MSI2: variants seen among roughly 807,000 people sequenced by gnomAD.
MSI2 encodes RNA-binding protein Musashi homolog 2.
Under a neutral mutation model 45.6 loss-of-function variants are expected in MSI2, and 17 were observed. The observed-to-expected ratio is 0.37, with a 90% CI of 0.26 to 0.56. The LOEUF is 0.56. MSI2 is among the 20% of genes least tolerant of loss of function. The pLI is 0.77. For missense variants in MSI2, 293 were observed against 444.2 expected (o/e 0.66, Z 3.06); for synonymous variants, 156 against 158.2 (o/e 0.99, Z 0.11).
chr17:57,291,624 C>T (rs576161650), intron 5 of MSI2, among the ~76,000 whole-genome samples: 20 of 152,120 alleles, frequency 1.3e-4, no homozygotes, highest in Non-Finnish European at 2.5e-4. Context: ...AAAGATGGAT[C>T]GACTCTGCTG....
chr17:57,613,986 A>G (rs1907426252), intron 8 of MSI2, among the ~76,000 whole-genome samples: 1 of 152,198 alleles, frequency 6.6e-6, no homozygotes, highest in Non-Finnish European at 1.5e-5. Context: ...TGATTGAAGT[A>G]TTTGGGATGT....
chr17:57,261,413 A>C (rs1907295954), intron 4 of MSI2, among the ~76,000 whole-genome samples: 1 of 149,124 alleles, frequency 6.7e-6, no homozygotes. Context: ...ATTTGGGTTT[A>C]GGTTGCTTAT....
At chr17:57,632,678 T>G in intron 10 of MSI2, 1 of 1,066,034 alleles carries the variant, frequency 9.4e-7, no homozygotes, top group Non-Finnish European at 1.1e-6. Flanking sequence ...CTTGACTTCC[T>G]TCATTTCCCT....
At chr17:57,449,826 G>T (rs1444288379) in intron 6 of MSI2, 4 of 152,222 alleles carry the variant, frequency 2.6e-5, no homozygotes, top group African/African-American at 9.7e-5. Context: ...AGGAGATCAA[G>T]ACCATTCTGG....
chr17:57,504,971 A>T (rs2086196520), intron 6 of MSI2, among the ~76,000 whole-genome samples: 1 of 151,720 alleles, frequency 6.6e-6, no homozygotes. Context: ...AAAGGGGAGA[A>T]TGGGGGGTCC....
intron 5 of MSI2, among the ~76,000 whole-genome samples, chr17:57,289,575 C>T (rs529888339): frequency 4.9e-4 from 74 of 152,204 alleles, no homozygotes; most frequent in African/African-American, 1.3e-3. Flanking sequence ...CTGGAAGGAG[C>T]TGTCTGGTGG....
intron 5 of MSI2, among the ~76,000 whole-genome samples, chr17:57,329,115 A>C (rs921190114): frequency 4.6e-5 from 7 of 152,136 alleles, no homozygotes; most frequent in Non-Finnish European, 1.0e-4. Flanking sequence ...GTATTTGGAC[A>C]GTAGTACCCA....
intron 10 of MSI2, among the ~76,000 whole-genome samples, chr17:57,637,722 G>T (rs1009677600): frequency 1.4e-4 from 21 of 152,208 alleles, no homozygotes; most frequent in Non-Finnish European, 7.3e-5. Context: ...TAGTCGGACC[G>T]GGAATGATCT....
rs532365329 is a variant in MSI2 at position 57,348,760 on chromosome 17, T to C, written c.313-52619T>C. On this transcript the variant is annotated intron_variant, in intron 5 of 13. Transcript: ENST00000284073. ...AATTACCCAGCCTCAGGTACTTCCT[T>C]ATAGCAATGCAAAAATGGACTAACC... 3.3e-5 allele frequency among the ~76,000 whole-genome samples: 5 copies of C among 152,244 alleles called. No homozygotes were observed. In the East Asian group the frequency reaches 9.7e-4, roughly 29 times the overall value.
intron 5 of MSI2, among the ~76,000 whole-genome samples, chr17:57,318,694 G>A (rs574982767): frequency 1.4e-4 from 21 of 152,294 alleles, no homozygotes; most frequent in Admixed American, 1.1e-3. Context: ...TGACATAGAA[G>A]CACATACAGC....
intron 12 of MSI2, 41 bp from the exon 13 acceptor site, chr17:57,676,946 T>C (rs1272960334): frequency 1.6e-6 from 2 of 1,239,458 alleles, no homozygotes; most frequent in Admixed American, 3.4e-5. Context: ...TCTGTTCCCA[T>C]GTATAGCACA....
At chr17:57,658,531 T>C (rs537678216) in intron 11 of MSI2, among the ~76,000 whole-genome samples, 1 of 152,352 alleles carries the variant, frequency 6.6e-6, no homozygotes, top group Non-Finnish European at 1.5e-5. Flanking sequence ...CTTCATTCAT[T>C]TTCCAAGGGC....
At chr17:57,360,998 A>G (rs1397607880) in intron 5 of MSI2, among the ~76,000 whole-genome samples, 1 of 152,240 alleles carries the variant, frequency 6.6e-6, no homozygotes, top group Admixed American at 6.5e-5. Flanking sequence ...CAAGTGGAAT[A>G]TTAACTCGGA....
intron 6 of MSI2, among the ~76,000 whole-genome samples, chr17:57,475,972 C>G (rs1380821411): frequency 3.3e-5 from 5 of 152,238 alleles, no homozygotes; most frequent in African/African-American, 4.8e-5. Context: ...CACAGACAAT[C>G]TCTCCCTCCC....
intron 10 of MSI2, among the ~76,000 whole-genome samples, chr17:57,649,846 G>T (rs1910995998): frequency 6.6e-6 from 1 of 152,244 alleles, no homozygotes; most frequent in Non-Finnish European, 1.5e-5. Context: ...GGCTCCCAAG[G>T]GGCTAGGCCA....
intron 6 of MSI2, among the ~76,000 whole-genome samples, chr17:57,457,750 T>C (rs1356430240): frequency 6.6e-6 from 1 of 151,484 alleles, no homozygotes; most frequent in Admixed American, 6.6e-5. Context: ...TAAAATCAAA[T>C]AAAATAAAAT....
intron 6 of MSI2, among the ~76,000 whole-genome samples, chr17:57,469,682 G>T (rs965715780): frequency 1.3e-5 from 2 of 152,232 alleles, no homozygotes; most frequent in African/African-American, 2.4e-5. Flanking sequence ...GTTGGTGAGA[G>T]ACTAGAGCTA....
chr17:57,258,275 T>A lies in MSI2; in HGVS notation c.191T>A (p.Phe64Tyr). ...CCCTCTTTGTCTCCTTTCAGAGGCT[T>A]CGGTTTCGTCACGTTCGCAGACCCA... ...RDPTTKRSRG[F>Y]GFVTFADPAS... Residue 64 changes from phenylalanine (F) to tyrosine (Y), a missense_variant, in exon 4 of 14, where the codon TTC (phenylalanine) becomes TAC (tyrosine). Phe to Tyr is a conservative substitution (Grantham distance 22). Transcript: ENST00000284073. The A allele has an allele frequency of 6.2e-7, 1 of 1,614,140 alleles. No homozygotes were observed. Among genetic ancestry groups the A allele is most frequent in the Non-Finnish European group, 8.5e-7 (1 of 1,179,984 alleles).
intron 7 of MSI2, among the ~76,000 whole-genome samples, chr17:57,588,188 G>A (rs562385442): frequency 6.6e-6 from 1 of 152,304 alleles, no homozygotes; most frequent in East Asian, 1.9e-4. Flanking sequence ...TCCATCGCGG[G>A]CTTGTTTACT....
Sources: allele counts gnomAD v4.1 joint callset (sites outside exome capture counted in the v4.1 genomes callset), GRCh38; gene constraint gnomAD v4.1.1; transcripts MANE v1.5; gene names NCBI Gene and HGNC (gene_info 2026-07-23, HGNC 2026-07-21).